ABL1: variants seen among roughly 807,000 people sequenced by gnomAD.
ABL1 encodes the protein tyrosine-protein kinase ABL1.
ABL1 carries 11 observed loss-of-function variants against 94.7 expected under a neutral mutation model. That is an observed-to-expected ratio of 0.12 (90% confidence interval 0.07 to 0.19). The LOEUF (loss-of-function observed/expected upper bound fraction) is 0.19, where lower values mean the gene tolerates loss of function less well. Among genes scored for constraint, ABL1 ranks in the 10% least tolerant of loss-of-function variants. The pLI is 1.00. For missense variants in ABL1, 1,082 were observed against 1,489.4 expected (o/e 0.73, Z 4.50); for synonymous variants, 656 against 622.4 (o/e 1.05, Z -0.80).
At chr9:130,743,257 G>C (rs538790958) in intron 1 of ABL1, among the ~76,000 whole-genome samples, 109 of 152,286 alleles carry the variant, frequency 7.2e-4, no homozygotes, top group Non-Finnish European at 1.4e-3. Flanking sequence ...ATTGTTAGTA[G>C]AGATGGGGTT....
intron 1 of ABL1, among the ~76,000 whole-genome samples, chr9:130,823,930 A>G (rs895818159): frequency 6.6e-6 from 1 of 152,210 alleles, no homozygotes; most frequent in Non-Finnish European, 1.5e-5. Flanking sequence ...TCTAGTTGAT[A>G]TGCAATTGTT....
intron 1 of ABL1, among the ~76,000 whole-genome samples, chr9:130,717,776 G>A (rs1831462491): frequency 6.6e-6 from 1 of 152,076 alleles, no homozygotes; most frequent in African/African-American, 2.4e-5. Context: ...CACTTTGGGA[G>A]GCCGAAGTGG....
At chr9:130,806,617 C>G (rs866907965) in intron 1 of ABL1, among the ~76,000 whole-genome samples, 1 of 151,802 alleles carries the variant, frequency 6.6e-6, no homozygotes, top group Non-Finnish European at 1.5e-5. Flanking sequence ...AAGTTCAAGA[C>G]CAGCCTGGAC....
At chr9:130,748,960 TA>T (rs575562255) in intron 1 of ABL1, among the ~76,000 whole-genome samples, 208 of 152,314 alleles carry the variant, frequency 1.4e-3, no homozygotes, top group Admixed American at 4.6e-3. Flanking sequence ...AAAAATTTGT[TA>T]TCCCTCCCAG....
chr9:130,732,323 A>G (rs1046691711), intron 1 of ABL1, among the ~76,000 whole-genome samples: 1 of 152,024 alleles, frequency 6.6e-6, no homozygotes, highest in Non-Finnish European at 1.5e-5. Context: ...GCTTGGGAGA[A>G]TGGTTATGGC....
chr9:130,765,251 T>C (rs191924320), intron 1 of ABL1, among the ~76,000 whole-genome samples: 3 of 151,782 alleles, frequency 2.0e-5, no homozygotes, highest in Non-Finnish European at 4.4e-5. Context: ...TCTCAAGGGG[T>C]TTTTTCAGAG....
intron 4 of ABL1, among the ~76,000 whole-genome samples, chr9:130,866,724 G>C (rs1423481811): frequency 6.6e-6 from 1 of 152,222 alleles, no homozygotes; most frequent in Non-Finnish European, 1.5e-5. Flanking sequence ...TACAGCAAAG[G>C]CTCATTGATT....
At chr9:130,735,477 GT>G (rs556969254) in intron 1 of ABL1, among the ~76,000 whole-genome samples, 83 of 143,722 alleles carry the variant, frequency 5.8e-4, no homozygotes, top group Admixed American at 6.3e-4. Flanking sequence ...TTTGTGTGTG[GT>G]TTTTTTTTTT....
intron 1 of ABL1, among the ~76,000 whole-genome samples, chr9:130,800,965 G>A (rs1326038748): frequency 7.2e-6 from 1 of 139,354 alleles, no homozygotes; most frequent in Non-Finnish European, 1.5e-5. Context: ...CAGTCTCTCT[G>A]TGTCGCCCAG....
At chr9:130,714,315 A>T (rs1831408245) in exon 1 of ABL1, 2 of 1,594,168 alleles carry the variant, frequency 1.3e-6, no homozygotes, top group Admixed American at 3.6e-5. Flanking sequence ...ACCTATTATT[A>T]CTTTATGGGG....
At chr9:130,750,479 T>C (rs1412723386) in intron 1 of ABL1, among the ~76,000 whole-genome samples, 3 of 125,744 alleles carry the variant, frequency 2.4e-5, no homozygotes, top group Non-Finnish European at 4.8e-5. Context: ...TTTGACAGAG[T>C]CTCACTGTGT....
At chr9:130,882,197 C>T (rs918805350) in intron 10 of ABL1, among the ~76,000 whole-genome samples, 1 of 152,046 alleles carries the variant, frequency 6.6e-6, no homozygotes, top group African/African-American at 2.4e-5. Flanking sequence ...ACCCAGTGAT[C>T]AGCAGTCATG....
At position 130,872,107 on chromosome 9, in the gene ABL1, C is replaced by A. The variant is rs759454910; in HGVS notation, c.823-22C>A. The A allele has an allele frequency of 6.2e-7, 1 of 1,611,326 alleles. No homozygotes were observed. Among genetic ancestry groups the A allele is most frequent in the Non-Finnish European group, 8.5e-7 (1 of 1,177,800 alleles). ...AAAGCACTTCCTGAAATAATTTCAC[C>A]TTCGTTTTTTTCCTTCTGCAGGAGG... On this transcript the variant is annotated intron_variant, in intron 4 of 10. Coordinates refer to ENST00000318560, the MANE Select transcript of ABL1 (RefSeq NM_005157.6). This position sits in a 1 kb window ranked among gnomAD's most constrained non-coding sequence, Gnocchi z 5.0.
chr9:130,776,042 G>A (rs889967766), intron 1 of ABL1, among the ~76,000 whole-genome samples: 2 of 152,132 alleles, frequency 1.3e-5, no homozygotes, highest in Non-Finnish European at 1.5e-5. Context: ...TCTCCAGCAC[G>A]GTCTCACAAA....
At chr9:130,756,111 T>C (rs1254923512) in intron 1 of ABL1, among the ~76,000 whole-genome samples, 1 of 152,182 alleles carries the variant, frequency 6.6e-6, no homozygotes, top group African/African-American at 2.4e-5. Flanking sequence ...ACTTTTCTCA[T>C]AGAGAAGAAC....
chr9:130,862,630 T>C lies in ABL1; in HGVS notation c.550-133T>C. 1 of 968,402 alleles carries C rather than the reference T, an allele frequency of 1.0e-6. No homozygotes were observed. The highest frequency in any genetic ancestry group is 1.5e-6 in the Non-Finnish European group (1 of 663,582). The allele number at this position is 968,402 out of a possible 1,614,324, so 60.0% of individuals were successfully genotyped here. A position where few individuals can be genotyped will look rare whatever the true frequency, so the allele number is the denominator to read the frequency against. ...ACAGCAGAAGTGATCTTCTAAACAC[T>C]CTGTCCTGTGTGGAGAGCTCCTTAT... On this transcript the variant is annotated intron_variant, in intron 3 of 10. Transcript: ENST00000318560. The surrounding 1 kb of genome is among the most constrained non-coding windows in gnomAD (Gnocchi z 5.5).
In ABL1 at chr9:130,789,029, C is replaced by A. The variant is rs545600511; in HGVS notation, c.137-65035C>A. On this transcript the variant is annotated intron_variant, in intron 1 of 10. Coordinates refer to the ABL1 transcript ENST00000372348. ...TTTTTCTCCCTGTGATTTCCTGAAA[C>A]CTCTTGCATCTAAAAAGCAATCTGT... Among the ~76,000 whole-genome samples the A allele has an allele frequency of 2.6e-3, 398 of 152,198 alleles. 1 individual carries two copies. Among genetic ancestry groups the A allele is most frequent in the Middle Eastern group, 0.024 (7 of 294 alleles).
At chr9:130,803,080 C>T (rs1302136388) in intron 1 of ABL1, among the ~76,000 whole-genome samples, 1 of 152,130 alleles carries the variant, frequency 6.6e-6, no homozygotes, top group Non-Finnish European at 1.5e-5. Context: ...TCCTCTGTCA[C>T]CCAGGCTGGA....
chr9:130,714,637 C>G, intron 1 of ABL1: 1 of 820,424 alleles, frequency 1.2e-6, no homozygotes, highest in Admixed American at 2.0e-5. Flanking sequence ...GTGACTTCGG[C>G]TTTATTCAAA....
Sources: gnomAD v4.1 joint callset for allele counts (sites outside exome capture counted in the v4.1 genomes callset) on GRCh38, gnomAD v4.1.1 for gene constraint, Gnocchi (gnomAD v3.1) non-coding constraint, MANE v1.5 for transcripts, NCBI Gene and HGNC (gene_info 2026-07-23, HGNC 2026-07-21) for gene names.